DDX60L: variants seen among roughly 807,000 people sequenced by gnomAD.
DDX60L encodes the protein DExD/H-box 60 like.
DDX60L carries 191 observed loss-of-function variants against 211.6 expected under a neutral mutation model. The ratio of observed to expected loss-of-function variants is 0.90; its 90% CI spans 0.80 to 1.02. The LOEUF (loss-of-function observed/expected upper bound fraction) is 1.02. DDX60L is among the 50% of genes least tolerant of loss of function. The probability of loss-of-function intolerance (pLI) is 0.00; values close to 1 mark genes in which losing one functional copy is unlikely to be tolerated. For synonymous variants in DDX60L, 706 were observed against 694.1 expected (o/e 1.02, Z -0.27); for missense variants, 2,007 against 1,984.1 (o/e 1.01, Z -0.22).
chr4:168,391,351 T>C (rs141520862), intron 29 of DDX60L, among the ~76,000 whole-genome samples, 189 bp downstream of exon 29: 13 of 152,232 alleles, frequency 8.5e-5, no homozygotes, highest in African/African-American at 3.1e-4. Context: ...TATGAAAAAG[T>C]AGTAACAACA....
intron 22 of DDX60L, among the ~76,000 whole-genome samples, chr4:168,409,324 G>A (rs576027819): frequency 4.6e-5 from 7 of 152,136 alleles, no homozygotes; most frequent in Non-Finnish European, 8.8e-5. Context: ...GAAGGCACAT[G>A]GCCAAAATGA....
In DDX60L at chr4:168,361,200, C is replaced by A. The variant is rs1438870226; in HGVS notation, c.4940G>T (p.Gly1647Val). 6.3e-7 allele frequency: 1 copy of A among 1,596,860 alleles called. No homozygotes were observed. The highest frequency in any genetic ancestry group is 1.7e-5 in the Admixed American group (1 of 59,684). ...ATCTTTCAAACACTTTAAAAGCTGT[C>A]CCATACGCATCCTAAAGAGAACAAC... ...RLDQKNGMRMGQLLKCLKDFA... is the reference protein window; with the variant it reads ...RLDQKNGMRMVQLLKCLKDFA... The change falls in exon 37 of 38, where the codon GGA becomes GTA. Residue 1647 changes from glycine (G) to valine (V), a missense_variant. Gly to Val is a moderately radical substitution (Grantham distance 109, BLOSUM62 -3). Transcript: ENST00000682922.
chr4:168,359,596 T>C (rs895892816), intron 37 of DDX60L, among the ~76,000 whole-genome samples: 4 of 152,182 alleles, frequency 2.6e-5, no homozygotes, highest in Non-Finnish European at 5.9e-5. Context: ...CTGCTTTCAG[T>C]TTCTCTACCT....
chr4:168,390,458 T>C (rs1744601306), intron 29 of DDX60L: 2 of 1,360,398 alleles, frequency 1.5e-6, no homozygotes, highest in African/African-American at 1.5e-5. Flanking sequence ...TAAAAGGTCA[T>C]GAAATGGAGA....
intron 29 of DDX60L, among the ~76,000 whole-genome samples, chr4:168,385,652 T>G (rs1410902362): frequency 1.3e-5 from 2 of 152,120 alleles, no homozygotes; most frequent in Admixed American, 6.5e-5. Flanking sequence ...TAATGTGGAA[T>G]TGAATTGAGC....
intron 24 of DDX60L, 110 bp from the exon 25 acceptor site, chr4:168,404,216 T>C (rs1262493211): frequency 3.7e-6 from 3 of 806,752 alleles, no homozygotes; most frequent in Admixed American, 4.1e-5. Context: ...TCATATATAA[T>C]TTTGGGTGGG....
At chr4:168,378,752 CTCTCCTT>C (rs1254000799) in intron 32 of DDX60L, among the ~76,000 whole-genome samples, 8 of 152,082 alleles carry the variant, frequency 5.3e-5, no homozygotes, top group Admixed American at 5.2e-4. Flanking sequence ...CTGACTTGCA[CTCTCCTT>C]TCTTCAGGCC....
intron 7 of DDX60L, among the ~76,000 whole-genome samples, chr4:168,454,986 T>C (rs984693065): frequency 6.6e-6 from 1 of 151,804 alleles, no homozygotes; most frequent in Non-Finnish European, 1.5e-5. Flanking sequence ...AAGATATGTA[T>C]GATCAGTGGG....
In DDX60L at chr4:168,406,014, C is replaced by G; in HGVS notation, c.3149G>C (p.Arg1050Thr). 1 of 1,602,868 alleles carries G rather than the reference C, an allele frequency of 6.2e-7. No homozygotes were observed. Among genetic ancestry groups the G allele is most frequent in the South Asian group, 1.1e-5 (1 of 88,292 alleles). Reference sequence around the variant, plus strand: ...TGCCTTTAAGTTTTCTTCATATTTTCTAGCATCCAACTTCTTAATGACTAT... The same window carrying G: ...TGCCTTTAAGTTTTCTTCATATTTTGTAGCATCCAACTTCTTAATGACTAT... ...NKIVIKKLDA[R>T]KYEENLKAEL... is the part of the protein sequence containing the mutation. The change falls in exon 24 of 38, where the codon AGA becomes ACA. Residue 1050 changes from arginine to threonine, a missense_variant. By Grantham distance (71) the Arg-to-Thr change is moderately conservative (BLOSUM62 -1). Coordinates refer to ENST00000682922, the MANE Select transcript of DDX60L (RefSeq NM_001012967.3).
In DDX60L at chr4:168,436,579, C is replaced by T. The variant is rs141526102; in HGVS notation, c.1295-3464G>A. Reference sequence around the variant, plus strand: ...GGAAATACTTTGAAGGCTGGGGCAACGTTCTCCAGAAGGCTGTAATTACTC... The same window carrying T: ...GGAAATACTTTGAAGGCTGGGGCAATGTTCTCCAGAAGGCTGTAATTACTC... On this transcript the variant is annotated intron_variant, in intron 10 of 37. Coordinates refer to ENST00000682922, the MANE Select transcript of DDX60L (RefSeq NM_001012967.3). 2.2e-3 allele frequency among the ~76,000 whole-genome samples: 340 copies of T among 152,254 alleles called. 2 individuals are homozygous for T. The highest frequency in any genetic ancestry group is 3.8e-3 in the Non-Finnish European group (259 of 68,022).
At chr4:168,456,686 T>C (rs911639590) in intron 6 of DDX60L, among the ~76,000 whole-genome samples, 1 of 152,146 alleles carries the variant, frequency 6.6e-6, no homozygotes, top group African/African-American at 2.4e-5. Flanking sequence ...TGCCTTATGA[T>C]CCAGTTTTGA....
Position 168,415,407 on chromosome 4 carries a change from C to A in DDX60L, c.2979+1G>T, listed in dbSNP as rs768527496. On this transcript the variant is annotated splice_donor_variant, in intron 22 of 37. Transcript: ENST00000682922. LOFTEE classifies it high-confidence loss of function. ...CAGGACAAATACACTTTTATACTTA[C>A]AATATCTGTCGTTAGCGCAGCACAG... 5 of 1,589,764 alleles carry A rather than the reference C, an allele frequency of 3.1e-6. No individual in the cohort carries two copies. In the South Asian group the frequency reaches 4.6e-5, roughly 15 times the overall value.
intron 25 of DDX60L, among the ~76,000 whole-genome samples, chr4:168,402,562 G>A (rs1747019922): frequency 6.6e-6 from 1 of 152,068 alleles, no homozygotes; most frequent in African/African-American, 2.4e-5. Flanking sequence ...TTTTTCAAAT[G>A]AGGCTGCAAG....
intron 26 of DDX60L, among the ~76,000 whole-genome samples, chr4:168,397,170 G>A (rs901962780): frequency 2.6e-5 from 4 of 152,264 alleles, no homozygotes; most frequent in Admixed American, 1.3e-4. Flanking sequence ...CCAGAACTGT[G>A]AGAAATAAGT....
chr4:168,390,518 G>T (rs1216948577), intron 29 of DDX60L: 1 of 1,435,720 alleles, frequency 7.0e-7, no homozygotes, highest in South Asian at 1.5e-5. Context: ...CAGTCTAGGA[G>T]AGTTCACATG....
intron 19 of DDX60L, among the ~76,000 whole-genome samples, chr4:168,417,539 C>A (rs995477542): frequency 2.6e-5 from 4 of 152,196 alleles, no homozygotes; most frequent in African/African-American, 9.6e-5. Context: ...TCTTACTTCC[C>A]ATTTTGCTAT....
At chr4:168,439,854 A>C (rs941358391) in intron 10 of DDX60L, among the ~76,000 whole-genome samples, 8 of 152,062 alleles carry the variant, frequency 5.3e-5, no homozygotes, top group African/African-American at 1.9e-4. Context: ...TGAAGAAATA[A>C]CCCCTCTCTC....
chr4:168,357,463 G>A lies in DDX60L; in HGVS notation c.*684C>T, dbSNP rs1738361191. On this transcript the variant is annotated 3_prime_UTR_variant, in exon 38 of 38. Coordinates refer to ENST00000682922, the MANE Select transcript of DDX60L (RefSeq NM_001012967.3). ...AGTTCTGTTGAGGGCTTGCTTCTTG[G>A]TCTGCAGATGGCCATCTTCCCATTG... 6.6e-6 allele frequency: 1 copy of A among 152,318 alleles called. No individual in the cohort carries two copies. Among genetic ancestry groups the A allele is most frequent in the Non-Finnish European group, 1.5e-5 (1 of 68,162 alleles). 9.4% of individuals were successfully genotyped at this position (152,318 alleles called of 1,614,324 possible). A position where few individuals can be genotyped will look rare whatever the true frequency, so the allele number is the denominator to read the frequency against.
intron 4 of DDX60L, among the ~76,000 whole-genome samples, chr4:168,464,754 A>G (rs1013486294): frequency 2.0e-5 from 3 of 152,104 alleles, no homozygotes; most frequent in African/African-American, 7.2e-5. Context: ...AATGCAATAA[A>G]TTACTGTTAA....
Sources: allele counts gnomAD v4.1 joint callset (sites outside exome capture counted in the v4.1 genomes callset), GRCh38; gene constraint gnomAD v4.1.1; transcripts MANE v1.5; gene names NCBI Gene and HGNC (gene_info 2026-07-23, HGNC 2026-07-21).